The following POF1B variants were observed in gnomAD, a reference collection of about 807,000 sequenced individuals.
The protein encoded by POF1B is POF1B actin binding protein, also known as protein POF1B.
A neutral mutation model predicts 55.3 loss-of-function variants in POF1B; 53 were observed. The ratio of observed to expected loss-of-function variants is 0.96; its 90% CI spans 0.77 to 1.20. The LOEUF (loss-of-function observed/expected upper bound fraction) is 1.20, where lower values mean the gene tolerates loss of function less well. Ranked by LOEUF, POF1B falls within the 50% of genes most tolerant of loss-of-function variation. The probability of loss-of-function intolerance (pLI) is 0.00; values close to 1 mark genes in which losing one functional copy is unlikely to be tolerated. For missense variants in POF1B, 478 were observed against 420.5 expected (o/e 1.14, Z -1.20); for synonymous variants, 188 against 148.3 (o/e 1.27, Z -1.95).
At chrX:85,330,635 C>T (rs1474472662) in intron 7 of POF1B, among the ~76,000 whole-genome samples, 1 of 110,786 alleles carries the variant, frequency 9.0e-6, no homozygotes, top group Non-Finnish European at 1.9e-5. Flanking sequence ...TACATTAACT[C>T]TTAAAATGAG....
chrX:85,308,702 G>A (rs995179191), intron 9 of POF1B, among the ~76,000 whole-genome samples: 13 of 111,093 alleles, frequency 1.2e-4, no homozygotes, highest in Non-Finnish European at 2.5e-4. Context: ...TTTTTTACCA[G>A]AGTCTCACTC....
chrX:85,367,725 T>TG lies in POF1B; in HGVS notation c.323dup (p.Ser109LysfsTer10), dbSNP rs1189708621. The TG allele has an allele frequency of 1.7e-6, 2 of 1,167,967 alleles. No homozygotes were observed. The highest frequency in any genetic ancestry group is 2.3e-6 in the Non-Finnish European group (2 of 869,546). On this transcript the variant is annotated frameshift_variant, in exon 3 of 17. Coordinates refer to ENST00000262753, the MANE Select transcript of POF1B (RefSeq NM_024921.4). LOFTEE classifies it high-confidence loss of function. ...TATTTTGGGTTATATGTAGAGTACT[T>TG]GGGGCACATGTAGATATTTTTAAAG...
At chrX:85,362,583 A>T (rs1230043001) in intron 3 of POF1B, among the ~76,000 whole-genome samples, 1 of 111,821 alleles carries the variant, frequency 8.9e-6, no homozygotes. Flanking sequence ...TGCATCCCAG[A>T]AGTGAAACCT....
chrX:85,328,527 A>T (rs914650895), intron 7 of POF1B, among the ~76,000 whole-genome samples: 1 of 111,041 alleles, frequency 9.0e-6, no homozygotes, highest in East Asian at 2.8e-4. Flanking sequence ...GATATTACAC[A>T]TCTAGTGTTG....
chrX:85,356,014 G>A (rs949490077), intron 4 of POF1B, among the ~76,000 whole-genome samples: 1 of 111,459 alleles, frequency 9.0e-6, no homozygotes, highest in African/African-American at 3.3e-5. Context: ...GCACACATAT[G>A]TTTATTGCGG....
At chrX:85,340,094 G>A (rs1190316166) in intron 6 of POF1B, among the ~76,000 whole-genome samples, 1 of 111,140 alleles carries the variant, frequency 9.0e-6, no homozygotes, top group East Asian at 2.9e-4. Context: ...CTTGGAGTAT[G>A]AGCAGGGTGG....
chrX:85,308,091 A>T, intron 10 of POF1B, 33 bp downstream of exon 10: 1 of 1,006,900 alleles, frequency 9.9e-7, no homozygotes, highest in Non-Finnish European at 1.4e-6. Flanking sequence ...TAGTAACTAG[A>T]AAGGCTTTGG....
At chrX:85,350,184 TC>T (rs2147937536) in intron 5 of POF1B, among the ~76,000 whole-genome samples, 1 of 104,097 alleles carries the variant, frequency 9.6e-6, no homozygotes, top group Non-Finnish European at 2.0e-5. Context: ...CCCTCCCCCG[TC>T]CCCCCACCCC....
chrX:85,302,384 T>C (rs1932478394), intron 15 of POF1B, among the ~76,000 whole-genome samples: 2 of 111,516 alleles, frequency 1.8e-5, no homozygotes, highest in Non-Finnish European at 3.8e-5. Flanking sequence ...AAAACTCCAA[T>C]TGGATACCAC....
intron 2 of POF1B, among the ~76,000 whole-genome samples, chrX:85,372,471 C>G (rs1339549325): frequency 1.8e-5 from 2 of 108,777 alleles, no homozygotes; most frequent in African/African-American, 3.3e-5. Flanking sequence ...CTAGGAAACT[C>G]TGGTTTCCCT....
intron 11 of POF1B, 80 bp downstream of exon 11, chrX:85,307,083 C>T (rs1216902982): frequency 3.9e-6 from 3 of 759,953 alleles, no homozygotes; most frequent in African/African-American, 4.3e-5. Flanking sequence ...TTGATTATAT[C>T]TCATAACTCC....
intron 6 of POF1B, 124 bp from the exon 7 acceptor site, chrX:85,331,203 C>T: frequency 1.5e-6 from 1 of 684,676 alleles, no homozygotes; most frequent in Non-Finnish European, 2.0e-6. Flanking sequence ...CCATTTTTTT[C>T]AGGGATACAT....
intron 9 of POF1B, among the ~76,000 whole-genome samples, chrX:85,311,265 C>T (rs1932689851): frequency 9.0e-6 from 1 of 111,049 alleles, no homozygotes; most frequent in Non-Finnish European, 1.9e-5. Context: ...AGGTTTGTTA[C>T]ATAGGTATAC....
chrX:85,322,036 T>G (rs1356161419), intron 7 of POF1B, among the ~76,000 whole-genome samples: 1 of 110,532 alleles, frequency 9.0e-6, no homozygotes, highest in Non-Finnish European at 1.9e-5. Context: ...ATTTATAGAT[T>G]CAATGCCATC....
chrX:85,338,362 ATT>A (rs747895365), intron 6 of POF1B, among the ~76,000 whole-genome samples: 5 of 111,591 alleles, frequency 4.5e-5, no homozygotes, highest in Admixed American at 3.8e-4. Context: ...ACTGAAATGG[ATT>A]TAGTGAAACT....
At chrX:85,318,018 A>G (rs1403713485) in intron 7 of POF1B, among the ~76,000 whole-genome samples, 2 of 111,363 alleles carry the variant, frequency 1.8e-5, no homozygotes, top group Non-Finnish European at 3.8e-5. Flanking sequence ...GAGCTAAATG[A>G]TGAGAACATA....
intron 5 of POF1B, among the ~76,000 whole-genome samples, chrX:85,348,950 T>A (rs2147936769): frequency 9.0e-6 from 1 of 111,615 alleles, no homozygotes; most frequent in South Asian, 3.7e-4. Flanking sequence ...AACTTATTTT[T>A]TGTAGCCCAG....
In POF1B at chrX:85,351,374, T is replaced by C; in HGVS notation, c.516A>G (p.Lys172=). 8.4e-7 allele frequency: 1 copy of C among 1,195,349 alleles called. No individual in the cohort carries two copies. Among genetic ancestry groups the C allele is most frequent in the Non-Finnish European group, 1.1e-6 (1 of 884,539 alleles). The part of the protein sequence containing the change: ...NNVIYEKTIR[K]VEKLNTDQGC... ...CCTGATCAGTATTTAGCTTCTCCAC[T>C]TTTCTTATTGTTTTTTCATAAATAA... Residue 172 remains lysine, a synonymous_variant, in exon 5 of 17, where the codon AAA becomes AAG. Transcript: ENST00000262753.
intron 15 of POF1B, among the ~76,000 whole-genome samples, chrX:85,294,248 T>C (rs941989856): frequency 2.7e-5 from 3 of 111,554 alleles, no homozygotes; most frequent in African/African-American, 9.8e-5. Context: ...GGACTTCCCA[T>C]ACTATGTTGA....
Sources: allele counts gnomAD v4.1 joint callset (sites outside exome capture counted in the v4.1 genomes callset), GRCh38; gene constraint gnomAD v4.1.1; transcripts MANE v1.5; gene names NCBI Gene and HGNC (gene_info 2026-07-23, HGNC 2026-07-21).